CNOT2: variants seen among roughly 807,000 people sequenced by gnomAD.
CNOT2 encodes the protein CCR4-NOT transcription complex subunit 2.
Under a neutral mutation model 72.1 loss-of-function variants are expected in CNOT2, and 7 were observed. That is an observed-to-expected ratio of 0.10 (90% CI 0.06 to 0.18). The LOEUF is 0.18. CNOT2 is among the 10% of genes least tolerant of loss of function. CNOT2 has a pLI of 1.00. For synonymous variants in CNOT2, 196 were observed against 225.6 expected (o/e 0.87, Z 1.17); for missense variants, 345 against 660.3 (o/e 0.52, Z 5.23).
chr12:70,277,767 A>G (rs926681850), intron 1 of CNOT2, among the ~76,000 whole-genome samples: 2 of 152,168 alleles, frequency 1.3e-5, no homozygotes, highest in Non-Finnish European at 1.5e-5. Flanking sequence ...TGTGAATTGT[A>G]TATTTTTGAG....
chr12:70,267,422 T>C (rs866855842), intron 1 of CNOT2, among the ~76,000 whole-genome samples: 20 of 152,354 alleles, frequency 1.3e-4, no homozygotes, highest in African/African-American at 4.3e-4. Flanking sequence ...TAATCGCTCC[T>C]TTCTTTTGTG....
chr12:70,256,613 GC>G lies in CNOT2; in HGVS notation c.-96+13134del, dbSNP rs150312654. Among the ~76,000 whole-genome samples the G allele has an allele frequency of 4.8e-3, 701 of 144,806 alleles. 28 individuals are homozygous for G. The East Asian group carries it at 0.1, about 22-fold the overall frequency. The allele number at this position is 144,806 out of a possible 152,430, so 95.0% of individuals were successfully genotyped here. On this transcript the variant is annotated intron_variant, in intron 1 of 15. Transcript: ENST00000229195. ...AAAAAAAAAAAAAAAAGTGGTAATA[GC>G]ATATACTTATTACAGAAAAAGTAGA...
chr12:70,305,806 T>G, intron 2 of CNOT2, among the ~76,000 whole-genome samples: 1 of 151,272 alleles, frequency 6.6e-6, no homozygotes. Flanking sequence ...TTGCCATTCA[T>G]CCTGCCTGTA....
At chr12:70,258,852 A>G (rs1377963099) in intron 1 of CNOT2, among the ~76,000 whole-genome samples, 1 of 152,220 alleles carries the variant, frequency 6.6e-6, no homozygotes, top group Non-Finnish European at 1.5e-5. Flanking sequence ...ACAAAGAACA[A>G]AAAACCTGAG....
intron 2 of CNOT2, among the ~76,000 whole-genome samples, chr12:70,310,232 G>A (rs1264516105): frequency 6.6e-6 from 1 of 151,992 alleles, no homozygotes; most frequent in African/African-American, 2.4e-5. Flanking sequence ...GATAGCAAGT[G>A]ACAACAATTT....
At chr12:70,271,101 T>C (rs1486176058) in intron 1 of CNOT2, among the ~76,000 whole-genome samples, 1 of 152,214 alleles carries the variant, frequency 6.6e-6, no homozygotes, top group Non-Finnish European at 1.5e-5. Context: ...GGTCAGATTC[T>C]TTCTGTTTGT....
intron 2 of CNOT2, among the ~76,000 whole-genome samples, chr12:70,299,986 A>AT (rs1325022191): frequency 1.3e-5 from 2 of 152,018 alleles, no homozygotes; most frequent in Non-Finnish European, 2.9e-5. Context: ...GATGATGAGC[A>AT]TTTTTTCATG....
At chr12:70,338,065 G>A (rs1880940002) in intron 9 of CNOT2, 1 of 217,102 alleles carries the variant, frequency 4.6e-6, no homozygotes, top group Non-Finnish European at 9.1e-6. Context: ...AGGTAGCTTT[G>A]GTGATTTTAG....
intron 2 of CNOT2, among the ~76,000 whole-genome samples, chr12:70,284,881 C>T (rs1870594598): frequency 6.6e-6 from 1 of 152,164 alleles, no homozygotes; most frequent in Non-Finnish European, 1.5e-5. Context: ...CCAAAAGAAA[C>T]TCTGCTAAAT....
chr12:70,246,424 A>T (rs540781308), intron 1 of CNOT2, among the ~76,000 whole-genome samples: 84 of 152,336 alleles, frequency 5.5e-4, no homozygotes, highest in Non-Finnish European at 9.1e-4. Flanking sequence ...GAGGCAGAAT[A>T]TCCAGGGTAC....
chr12:70,302,723 C>G (rs1204393352), intron 2 of CNOT2, among the ~76,000 whole-genome samples: 3 of 152,210 alleles, frequency 2.0e-5, no homozygotes, highest in Admixed American at 1.3e-4. Context: ...CTGTAGATGT[C>G]TATTAGGTCC....
intron 2 of CNOT2, among the ~76,000 whole-genome samples, chr12:70,300,994 A>T (rs953000818): frequency 2.0e-5 from 3 of 152,036 alleles, no homozygotes; most frequent in African/African-American, 7.2e-5. Context: ...TGTGAATGGG[A>T]GTTCTTTCAT....
At chr12:70,281,778 G>A (rs1370543321) in intron 2 of CNOT2, among the ~76,000 whole-genome samples, 1 of 121,824 alleles carries the variant, frequency 8.2e-6, no homozygotes, top group South Asian at 2.5e-4. Flanking sequence ...ATAGACTTGT[G>A]CAGTCCAATG....
At chr12:70,338,231 T>TA (rs1880966921) in intron 9 of CNOT2, 1 of 402,436 alleles carries the variant, frequency 2.5e-6, no homozygotes, top group East Asian at 4.0e-5. Flanking sequence ...TTGATTTCTT[T>TA]TTCTTTAAAT....
chr12:70,288,822 C>T (rs897377001), intron 2 of CNOT2, among the ~76,000 whole-genome samples: 18 of 152,116 alleles, frequency 1.2e-4, no homozygotes, highest in Non-Finnish European at 1.6e-4. Flanking sequence ...AATCTCACTT[C>T]CTAAGGGAAA....
chr12:70,305,149 C>T (rs1875018279), intron 2 of CNOT2, among the ~76,000 whole-genome samples: 1 of 152,216 alleles, frequency 6.6e-6, no homozygotes, highest in Non-Finnish European at 1.5e-5. Context: ...CCTGTTTCGG[C>T]TCACGCATGG....
chr12:70,317,467 G>A (rs1877533523), intron 3 of CNOT2, among the ~76,000 whole-genome samples: 1 of 151,752 alleles, frequency 6.6e-6, no homozygotes, highest in Non-Finnish European at 1.5e-5. Context: ...TAATACCTAA[G>A]AAAAGAACTT....
At chr12:70,255,942 AATG>A (rs1958417859) in intron 1 of CNOT2, among the ~76,000 whole-genome samples, 1 of 152,184 alleles carries the variant, frequency 6.6e-6, no homozygotes, top group Admixed American at 6.5e-5. Flanking sequence ...TAGTTTAAAT[AATG>A]ATTGTCAGGC....
intron 1 of CNOT2, among the ~76,000 whole-genome samples, chr12:70,265,305 C>CTT (rs1565743374): frequency 6.9e-6 from 1 of 145,970 alleles, no homozygotes; most frequent in East Asian, 2.0e-4. Flanking sequence ...CTTCTCTTCT[C>CTT]TTCTCTTCTC....
Sources: gnomAD v4.1 joint callset for allele counts (sites outside exome capture counted in the v4.1 genomes callset) on GRCh38, gnomAD v4.1.1 for gene constraint, MANE v1.5 for transcripts, NCBI Gene and HGNC (gene_info 2026-07-23, HGNC 2026-07-21) for gene names.